Variants in GSG1L2 observed in about 807,000 individuals in gnomAD.
GSG1L2 encodes the protein GSG1 like 2.
Under a neutral mutation model 9.0 loss-of-function variants are expected in GSG1L2, and 15 were observed. That is an observed-to-expected ratio of 1.67 (90% CI 1.12 to 2.57). The LOEUF (loss-of-function observed/expected upper bound fraction) is 2.57, where lower values mean the gene tolerates loss of function less well. Among genes scored for constraint, GSG1L2 ranks in the 30% most tolerant of loss-of-function variants. The pLI, the probability that GSG1L2 is intolerant of heterozygous loss-of-function variation, is 0.00. For missense variants in GSG1L2, 286 were observed against 150.3 expected (o/e 1.90, Z -4.72); for synonymous variants, 127 against 57.9 (o/e 2.19, Z -5.41).
intron 4 of GSG1L2, chr17:9,803,903 C>T (rs1402437759): frequency 6.6e-6 from 1 of 152,232 alleles, no homozygotes; most frequent in East Asian, 1.9e-4. Flanking sequence ...ACTTGCGAGA[C>T]TTTGCTGCCT....
In GSG1L2 at chr17:9,821,781, C is replaced by G; in HGVS notation, c.291G>C (p.Glu97Asp). Residue 97 changes from glutamate (E) to aspartate (D), a missense_variant, in exon 1 of 5, where the codon GAG (glutamate) becomes GAC (aspartate). Coordinates refer to ENST00000399363, the MANE Select transcript of GSG1L2 (RefSeq NM_001310219.2). The part of the protein sequence containing the change: ...GFHVGLWQSC[E>D]ESLNGEDEKC... Reference sequence around the variant, plus strand: ...GCTCACCTTCACCGTTGAGGCTCTCCTCGCAGGACTGCCAGAGCCCCACAT... The same window carrying G: ...GCTCACCTTCACCGTTGAGGCTCTCGTCGCAGGACTGCCAGAGCCCCACAT... The G allele has an allele frequency of 2.8e-6, 2 of 703,410 alleles. No individual in the cohort carries two copies. The highest frequency in any genetic ancestry group is 5.2e-6 in the Non-Finnish European group (2 of 385,024). The allele number at this position is 703,410 out of a possible 1,614,324, so 43.6% of individuals were successfully genotyped here.
At chr17:9,817,727 A>G (rs910813899) in intron 1 of GSG1L2, among the ~76,000 whole-genome samples, 4 of 152,022 alleles carry the variant, frequency 2.6e-5, no homozygotes, top group South Asian at 2.1e-4. Context: ...ACCTGGCCCA[A>G]TGAGGCCTTT....
intron 1 of GSG1L2, among the ~76,000 whole-genome samples, chr17:9,818,465 C>T (rs2066576253): frequency 6.9e-6 from 1 of 144,888 alleles, no homozygotes; most frequent in African/African-American, 2.5e-5. Flanking sequence ...TTCCAAGTAG[C>T]TGGGATTACA....
In GSG1L2 at chr17:9,802,129, G is replaced by T. The variant is rs570163157; in HGVS notation, c.*257C>A. On this transcript the variant is annotated 3_prime_UTR_variant, in exon 5 of 5. Transcript: ENST00000399363. ...TCCTTATCAAATTCACTGTCATTAA[G>T]AAGCTCTCTTTTATACTAGAGTGTC... 6.6e-6 allele frequency among the ~76,000 whole-genome samples: 1 copy of T among 152,324 alleles called. No individual in the cohort carries two copies. The highest frequency in any genetic ancestry group is 1.9e-4 in the East Asian group (1 of 5,182).
chr17:9,817,448 G>C (rs1180675378), intron 1 of GSG1L2, among the ~76,000 whole-genome samples: 1 of 138,716 alleles, frequency 7.2e-6, no homozygotes, highest in African/African-American at 2.7e-5. Flanking sequence ...TTTTTTCCTC[G>C]AAGTCTCACT....
chr17:9,813,905 T>C (rs1346918806), intron 1 of GSG1L2, among the ~76,000 whole-genome samples: 1 of 152,108 alleles, frequency 6.6e-6, no homozygotes, highest in Non-Finnish European at 1.5e-5. Context: ...AGTGAGAAAG[T>C]TGTGAAAGTA....
At chr17:9,806,547 A>C (rs976190822) in intron 4 of GSG1L2, among the ~76,000 whole-genome samples, 3 of 152,244 alleles carry the variant, frequency 2.0e-5, no homozygotes, top group African/African-American at 7.2e-5. Flanking sequence ...TACTGGAAAC[A>C]AACAGACCAT....
chr17:9,815,153 C>G (rs369347093), intron 1 of GSG1L2, among the ~76,000 whole-genome samples: 1 of 152,078 alleles, frequency 6.6e-6, no homozygotes, highest in East Asian at 1.9e-4. Flanking sequence ...TTTGGGAGGC[C>G]GAGGCGGGCG....
At position 9,821,928 on chromosome 17, in the gene GSG1L2, T is replaced by TCCCGGCTGGTCCTGGCACA. The variant is rs1343185372; in HGVS notation, c.125_143dup (p.Gly49ValfsTer27). 1 of 703,088 alleles carries TCCCGGCTGGTCCTGGCACA rather than the reference T, an allele frequency of 1.4e-6. No homozygotes were observed. Among genetic ancestry groups the TCCCGGCTGGTCCTGGCACA allele is most frequent in the African/African-American group, 1.7e-5 (1 of 57,284 alleles). The allele number at this position is 703,088 out of a possible 1,614,324, so 43.6% of individuals were successfully genotyped here. On this transcript the variant is annotated frameshift_variant, in exon 1 of 5. Transcript: ENST00000399363. LOFTEE classifies it high-confidence loss of function. ...GTTTGAAGTGAATGCAGTGCTGCCCTCCCGGCTGGTCCTGGCACAGTGGCT... is the reference window on the plus strand; with the variant it reads ...GTTTGAAGTGAATGCAGTGCTGCCCTCCCGGCTGGTCCTGGCACACCCGGCTGGTCCTGGCACAGTGGCT...
intron 1 of GSG1L2, among the ~76,000 whole-genome samples, chr17:9,815,730 A>G (rs1036099050): frequency 2.0e-5 from 3 of 152,230 alleles, no homozygotes; most frequent in Non-Finnish European, 2.9e-5. Context: ...CCAGTGAGGT[A>G]CTTATTAAGA....
intron 4 of GSG1L2, chr17:9,805,054 A>C (rs2066511738): frequency 6.6e-6 from 1 of 152,164 alleles, no homozygotes; most frequent in African/African-American, 2.4e-5. Flanking sequence ...CAAGTAGAGA[A>C]AAATTTTCAG....
intron 1 of GSG1L2, among the ~76,000 whole-genome samples, chr17:9,816,564 A>ATCTG (rs1491137617): frequency 4.5e-4 from 40 of 88,768 alleles, no homozygotes; most frequent in African/African-American, 2.2e-3. Flanking sequence ...GTGTGCATGC[A>ATCTG]TATCTGTGTC....
At position 9,809,023 on chromosome 17, in the gene GSG1L2, A is replaced by C. The variant is rs564218369; in HGVS notation, c.359-41T>G. On this transcript the variant is annotated intron_variant, in intron 2 of 4. Coordinates refer to ENST00000399363, the MANE Select transcript of GSG1L2 (RefSeq NM_001310219.2). The stretch of plus-strand genomic sequence containing the variant: ...ATGTTGGAAACGCTGGACACTTCTA[A>C]TTCAGAAATACTAAAATGTTCAATC... The C allele has an allele frequency of 1.0e-5, 7 of 697,856 alleles. No homozygotes were observed. In the African/African-American group the frequency reaches 1.0e-4, roughly 10 times the overall value. The allele number at this position is 697,856 out of a possible 1,614,324, so 43.2% of individuals were successfully genotyped here.
At chr17:9,821,471 G>C (rs114365046) in intron 1 of GSG1L2, among the ~76,000 whole-genome samples, 3,255 of 152,314 alleles carry the variant, frequency 0.021, 117 homozygotes, top group African/African-American at 0.073. Context: ...CTCTGTATGT[G>C]AATCTGGTCA....
chr17:9,813,195 G>T (rs1055062020), intron 1 of GSG1L2, among the ~76,000 whole-genome samples: 2 of 152,162 alleles, frequency 1.3e-5, no homozygotes, highest in Non-Finnish European at 2.9e-5. Context: ...GATTTGCCAT[G>T]CCCATGCTCG....
In GSG1L2 at chr17:9,821,893, C is replaced by T; in HGVS notation, c.179G>A (p.Ser60Asn). 1.4e-6 allele frequency: 1 copy of T among 703,360 alleles called. No individual in the cohort carries two copies. Among genetic ancestry groups the T allele is most frequent in the Non-Finnish European group, 2.6e-6 (1 of 385,074 alleles). 43.6% of individuals were successfully genotyped at this position (703,360 alleles called of 1,614,324 possible). The change falls in exon 1 of 5, where the codon AGC becomes AAC. Residue 60 changes from serine to asparagine, a missense_variant. By Grantham distance (46) the Ser-to-Asn change is conservative. Transcript: ENST00000399363. ...QHCIHFKRDN[S>N]SNGRMDNNSQ... ...ATTGTTGTCCATCCTGCCATTGCTG[C>T]TGTTGTCCCGTTTGAAGTGAATGCA... is the stretch of plus-strand genomic sequence containing the variant.
rs1279382974 is a variant in GSG1L2 at position 9,820,026 on chromosome 17, G to T, written c.310+1736C>A. On this transcript the variant is annotated intron_variant, in intron 1 of 4. Transcript: ENST00000399363. The surrounding 1 kb of genome is among the most constrained non-coding windows in gnomAD (Gnocchi z 4.9). ...ATCACTTAAAACCCAGGAGGTGGAA[G>T]TTGCAGTGAGCTGAGATTGCGCCGT... Among the ~76,000 whole-genome samples the T allele has an allele frequency of 6.6e-6, 1 of 152,022 alleles. No homozygotes were observed. The highest frequency in any genetic ancestry group is 1.5e-5 in the Non-Finnish European group (1 of 68,004).
At chr17:9,814,134 C>T (rs1015015257) in intron 1 of GSG1L2, among the ~76,000 whole-genome samples, 2 of 152,166 alleles carry the variant, frequency 1.3e-5, no homozygotes, top group African/African-American at 4.8e-5. Context: ...CAGGGTTTCA[C>T]CATGTTGGCC....
chr17:9,807,752 A>T, intron 3 of GSG1L2, 151 bp from the exon 4 acceptor site: 1 of 599,848 alleles, frequency 1.7e-6, no homozygotes, highest in Non-Finnish European at 3.0e-6. Context: ...TCCGCTGGAC[A>T]TCTCTTTCCC....
Sources: gnomAD v4.1 joint callset for allele counts (sites outside exome capture counted in the v4.1 genomes callset) on GRCh38, gnomAD v4.1.1 for gene constraint, Gnocchi (gnomAD v3.1) non-coding constraint, MANE v1.5 for transcripts, NCBI Gene and HGNC (gene_info 2026-07-23, HGNC 2026-07-21) for gene names.